SPDYE1: variants seen among roughly 807,000 people sequenced by gnomAD.
SPDYE1 encodes the protein speedy/RINGO cell cycle regulator family member E1.
A neutral mutation model predicts 45.9 loss-of-function variants in SPDYE1; 29 were observed. The ratio of observed to expected loss-of-function variants is 0.63; its 90% CI spans 0.47 to 0.86. The LOEUF (loss-of-function observed/expected upper bound fraction) is 0.86. Among genes scored for constraint, SPDYE1 ranks in the 40% least tolerant of loss-of-function variants. SPDYE1 has a pLI of 0.00. For synonymous variants in SPDYE1, 134 were observed against 176.8 expected (o/e 0.76, Z 1.92); for missense variants, 346 against 481.4 (o/e 0.72, Z 2.63).
At chr7:44,008,202 C>A (rs2096074434) in intron 8 of SPDYE1, among the ~76,000 whole-genome samples, 1 of 152,232 alleles carries the variant, frequency 6.6e-6, no homozygotes, top group South Asian at 2.1e-4. Flanking sequence ...TCTTGTGCAG[C>A]TAACCACGTT....
Position 44,007,500 on chromosome 7 carries a change from C to T in SPDYE1, c.985C>T (p.Gln329Ter), listed in dbSNP as rs2096073239. ...MNPRARKNRS[Q>*]IVLFQKRRFH... Reference sequence around the variant, plus strand: ...CCCGAGGGCCAGGAAGAACCGCTCTCAGATAGTCCTGTTCCAGAAACGTCG... The same window carrying T: ...CCCGAGGGCCAGGAAGAACCGCTCTTAGATAGTCCTGTTCCAGAAACGTCG... Residue 329 changes from glutamine (Q) to a stop codon, truncating the protein, a stop_gained, in exon 7 of 9, where the codon CAG becomes TAG. Transcript: ENST00000693451. LOFTEE classifies it high-confidence loss of function. The T allele has an allele frequency of 6.8e-6, 11 of 1,613,816 alleles. No individual in the cohort carries two copies. The highest frequency in any genetic ancestry group is 9.3e-6 in the Non-Finnish European group (11 of 1,179,936).
In SPDYE1 at chr7:44,007,804, C is replaced by A; in HGVS notation, c.*36C>A. 6 of 1,606,756 alleles carry A rather than the reference C, an allele frequency of 3.7e-6. No individual in the cohort carries two copies. The South Asian group carries it at 6.6e-5, about 18-fold the overall frequency. On this transcript the variant is annotated 3_prime_UTR_variant, in exon 8 of 9. Coordinates refer to ENST00000693451, the MANE Select transcript of SPDYE1 (RefSeq NM_001378423.2). ...ACCGTGGAGGCCTGAGGTCATCGGC[C>A]TGAGAGAAGGTACATCTGCATCCTC... is the stretch of plus-strand genomic sequence containing the variant.
chr7:44,008,384 AGGGT>A (rs1316107335), intron 8 of SPDYE1, among the ~76,000 whole-genome samples: 11 of 152,310 alleles, frequency 7.2e-5, no homozygotes, highest in African/African-American at 2.4e-4. Context: ...ACATTCTCTG[AGGGT>A]GCCCTACTCC....
At position 44,007,525 on chromosome 7, in the gene SPDYE1, G is replaced by C; in HGVS notation, c.1010G>C (p.Arg337Pro). ...RSQIVLFQKR[R>P]FHFFCSMSCR... The stretch of plus-strand genomic sequence containing the variant: ...CAGATAGTCCTGTTCCAGAAACGTC[G>C]GTTCCACTTCTTCTGTTCCATGAGC... The change falls in exon 7 of 9, where the codon CGG becomes CCG. Residue 337 changes from arginine to proline, a missense_variant. By Grantham distance (103) the Arg-to-Pro change is moderately radical. Transcript: ENST00000693451. 1 of 1,613,806 alleles carries C rather than the reference G, an allele frequency of 6.2e-7. No individual in the cohort carries two copies. The highest frequency in any genetic ancestry group is 8.5e-7 in the Non-Finnish European group (1 of 1,180,036).
rs530734806 is a variant in SPDYE1 at position 44,006,054 on chromosome 7, T to C, written c.752+827T>C. On this transcript the variant is annotated intron_variant, in intron 6 of 8. Coordinates refer to ENST00000693451, the MANE Select transcript of SPDYE1 (RefSeq NM_001378423.2). Reference sequence around the variant, plus strand: ...AACCTCACTGCCCACCTGAACAACTTCCTTAGCTGATGCCTTTCTCTATCG... The same window carrying C: ...AACCTCACTGCCCACCTGAACAACTCCCTTAGCTGATGCCTTTCTCTATCG... 2.6e-5 allele frequency among the ~76,000 whole-genome samples: 4 copies of C among 152,268 alleles called. No individual in the cohort carries two copies. In the South Asian group the frequency reaches 8.3e-4, roughly 32 times the overall value.
rs1474824901 is a variant in SPDYE1, at chr7:44,010,017, T to C, written c.*1396T>C. Reference sequence around the variant, plus strand: ...GATTTGGCATGTTTGTATGTTACTTTAAAGAGGATGTGTGTTCTAAAGGAG... The same window carrying C: ...GATTTGGCATGTTTGTATGTTACTTCAAAGAGGATGTGTGTTCTAAAGGAG... On this transcript the variant is annotated 3_prime_UTR_variant, in exon 9 of 9. Transcript: ENST00000693451. The C allele has an allele frequency of 6.6e-6, 1 of 152,224 alleles. No individual in the cohort carries two copies. Among genetic ancestry groups the C allele is most frequent in the African/African-American group, 2.4e-5 (1 of 41,458 alleles). 9.4% of individuals were successfully genotyped at this position (152,224 alleles called of 1,614,324 possible).
rs200908896 is a variant in SPDYE1, at chr7:43,999,930, G to A, written c.-20G>A. 402 of 981,654 alleles carry A rather than the reference G, an allele frequency of 4.1e-4. No homozygotes were observed. Among genetic ancestry groups the A allele is most frequent in the Non-Finnish European group, 4.6e-4 (385 of 828,292 alleles). The allele number at this position is 981,654 out of a possible 1,614,324, so 60.8% of individuals were successfully genotyped here. On this transcript the variant is annotated 5_prime_UTR_variant, in exon 2 of 9. Coordinates refer to ENST00000693451, the MANE Select transcript of SPDYE1 (RefSeq NM_001378423.2). The stretch of plus-strand genomic sequence containing the variant: ...TGATAACATACTCTTCTGGATCCTA[G>A]CAGTGTCCAGAAGAAGGCCATGGAC...
In SPDYE1 at chr7:44,007,561, G is replaced by C. The variant is rs761683642; in HGVS notation, c.1046G>C (p.Trp349Ser). ...HFFCSMSCRA[W>S]VSPEELEEIQ... Reference sequence around the variant, plus strand: ...TTCTGTTCCATGAGCTGCAGGGCTTGGGTTTCCCCAGAGGAGTTGGAGGAG... The same window carrying C: ...TTCTGTTCCATGAGCTGCAGGGCTTCGGTTTCCCCAGAGGAGTTGGAGGAG... The change falls in exon 7 of 9, where the codon TGG becomes TCG. Residue 349 changes from tryptophan (W) to serine (S), a missense_variant. Transcript: ENST00000693451. 1 of 1,613,414 alleles carries C rather than the reference G, an allele frequency of 6.2e-7. No individual in the cohort carries two copies. Among genetic ancestry groups the C allele is most frequent in the Non-Finnish European group, 8.5e-7 (1 of 1,180,044 alleles).
rs142373103 is a variant in SPDYE1, at chr7:44,002,697, G to A, written c.487G>A (p.Ala163Thr). The A allele has an allele frequency of 2.4e-5, 39 of 1,596,884 alleles. No individual in the cohort carries two copies. Among genetic ancestry groups the A allele is most frequent in the South Asian group, 2.4e-4 (22 of 90,916 alleles). ...ESEEEPRKVLAPEPEEIWVAE... is the reference protein window; with the variant it reads ...ESEEEPRKVLTPEPEEIWVAE... ...GGAGGAGGAGCCACGGAAGGTGCTC[G>A]CCCCTGAGCCTGAGGAGATCTGGGT... is the stretch of plus-strand genomic sequence containing the variant. Residue 163 changes from alanine to threonine, a missense_variant, in exon 4 of 9, where the codon GCC becomes ACC. By Grantham distance (58) the Ala-to-Thr change is moderately conservative. Around this residue, in one of 4 missense-constraint regions of SPDYE1, gnomAD observed 141 missense variants for 176.7 expected, o/e 0.80. Transcript: ENST00000693451.
At chr7:44,008,056 T>C (rs955074006) in intron 8 of SPDYE1, among the ~76,000 whole-genome samples, 33 of 152,376 alleles carry the variant, frequency 2.2e-4, no homozygotes, top group Non-Finnish European at 4.3e-4. Context: ...ATCCTGCCAC[T>C]GCACTCCAGT....
At position 44,009,931 on chromosome 7, in the gene SPDYE1, T is replaced by C. The variant is rs1397441357; in HGVS notation, c.*1310T>C. On this transcript the variant is annotated 3_prime_UTR_variant, in exon 9 of 9. Transcript: ENST00000693451. ...TCCCCTAAATTCTTGTAAAAATAAA[T>C]TTTTATTTGATATTTCATCTATGTT... 2 of 152,160 alleles carry C rather than the reference T, an allele frequency of 1.3e-5. No individual in the cohort carries two copies. The highest frequency in any genetic ancestry group is 4.1e-4 in the South Asian group (2 of 4,838). The allele number at this position is 152,160 out of a possible 1,614,324, so 9.4% of individuals were successfully genotyped here. A position where few individuals can be genotyped will look rare whatever the true frequency, so the allele number is the denominator to read the frequency against.
chr7:43,999,194 A>T (rs141396267), intron 1 of SPDYE1, among the ~76,000 whole-genome samples: 4,312 of 152,264 alleles, frequency 0.028, 146 homozygotes, highest in Middle Eastern at 0.092. Context: ...CTCCATTGGA[A>T]ATATGTGTGA....
rs546613957 is a variant in SPDYE1, at chr7:43,999,522, C to T, written c.-422-6C>T. ...TTCTTTCCCACTCTGTTCCCTCTCC[C>T]ACCAGACTGGACTCTGAAATGGGCA... On this transcript the variant is annotated splice_polypyrimidine_tract_variant and splice_region_variant and intron_variant, in intron 1 of 8. Coordinates refer to ENST00000693451, the MANE Select transcript of SPDYE1 (RefSeq NM_001378423.2). Among the ~76,000 whole-genome samples, 21 of 152,226 alleles carry T rather than the reference C, an allele frequency of 1.4e-4. No homozygotes were observed. The highest frequency in any genetic ancestry group is 5.1e-4 in the African/African-American group (21 of 41,534).
At position 44,000,066 on chromosome 7, in the gene SPDYE1, C is replaced by A. The variant is rs2096060547; in HGVS notation, c.117C>A (p.Tyr39Ter). Reference protein sequence around the residue: ...EQSPQRSTSGYPLQEVVDDEV... With the variant: ...EQSPQRSTSG ...GTCCCCAGCGGAGCACCTCGGGGTA[C>A]CCCCTCCAGGAGGTGGTGGATGATG... The change falls in exon 2 of 9, where the codon TAC becomes TAA. Residue 39 changes from tyrosine to a stop codon, truncating the protein, a stop_gained. Coordinates refer to ENST00000693451, the MANE Select transcript of SPDYE1 (RefSeq NM_001378423.2). LOFTEE classifies it high-confidence loss of function. 1 of 985,098 alleles carries A rather than the reference C, an allele frequency of 1.0e-6. No individual in the cohort carries two copies. Among genetic ancestry groups the A allele is most frequent in the South Asian group, 4.7e-5 (1 of 21,282 alleles). The allele number at this position is 985,098 out of a possible 1,614,324, so 61.0% of individuals were successfully genotyped here. A position where few individuals can be genotyped will look rare whatever the true frequency, so the allele number is the denominator to read the frequency against.
At chr7:44,007,965 G>A (rs936688259) in intron 8 of SPDYE1, 152 bp downstream of exon 8, 9 of 1,496,784 alleles carry the variant, frequency 6.0e-6, no homozygotes, top group African/African-American at 2.8e-5. Context: ...AATGTGGGAC[G>A]CATCTCTACT....
At chr7:44,004,048 G>A (rs1340769963) in intron 5 of SPDYE1, 137 bp downstream of exon 5, 5 of 1,216,872 alleles carry the variant, frequency 4.1e-6, no homozygotes, top group South Asian at 2.7e-5. Context: ...TTTTTTTTGT[G>A]TGTGTGAGAC....
intron 7 of SPDYE1, 55 bp from the exon 8 acceptor site, chr7:44,007,652 GGA>G: frequency 1.2e-6 from 2 of 1,611,972 alleles, no homozygotes; most frequent in Non-Finnish European, 1.7e-6. Context: ...CTGGATGAGG[GGA>G]GAGAGGGGTA....
rs929872712 is a variant in SPDYE1, at chr7:44,008,745, G to C, written c.*124G>C. The C allele has an allele frequency of 2.5e-6, 3 of 1,207,788 alleles. No individual in the cohort carries two copies. In the African/African-American group the frequency reaches 4.8e-5, roughly 19 times the overall value. 74.8% of individuals were successfully genotyped at this position (1,207,788 alleles called of 1,614,324 possible). On this transcript the variant is annotated 3_prime_UTR_variant, in exon 9 of 9. Transcript: ENST00000693451. ...TAATGGCAGACACCAGGAAGGAGGA[G>C]AGGAACCATTTGTGCAGATCATCTA...
At position 44,007,150 on chromosome 7, in the gene SPDYE1, G is replaced by A. The variant is rs2096072388; in HGVS notation, c.753-118G>A. On this transcript the variant is annotated intron_variant, in intron 6 of 8. Transcript: ENST00000693451. Reference sequence around the variant, plus strand: ...CCTGAGGAAGGCATGGCTCTCTGCAGGGTGGGTGCCAGTCCTGAGCTAGGA... The same window carrying A: ...CCTGAGGAAGGCATGGCTCTCTGCAAGGTGGGTGCCAGTCCTGAGCTAGGA... 5 of 1,593,220 alleles carry A rather than the reference G, an allele frequency of 3.1e-6. No individual in the cohort carries two copies. In the Admixed American group the frequency reaches 6.8e-5, roughly 22 times the overall value.
Sources: gnomAD v4.1 joint callset for allele counts (sites outside exome capture counted in the v4.1 genomes callset) on GRCh38, gnomAD v4.1.1 for gene constraint, gnomAD v4.1.1 regional missense constraint, MANE v1.5 for transcripts, NCBI Gene and HGNC (gene_info 2026-07-23, HGNC 2026-07-21) for gene names.